DPH1: variants seen among roughly 807,000 people sequenced by gnomAD.
The protein encoded by DPH1 is 2-(3-amino-3-carboxypropyl)histidine synthase subunit 1.
DPH1 carries 59 observed loss-of-function variants against 55.3 expected under a neutral mutation model. The ratio of observed to expected loss-of-function variants is 1.07; its 90% CI spans 0.87 to 1.33. The LOEUF is 1.33. Ranked by LOEUF, DPH1 falls within the 40% of genes most tolerant of loss-of-function variation. DPH1 has a pLI of 0.00. For synonymous variants in DPH1, 238 were observed against 235.5 expected (o/e 1.01, Z -0.10); for missense variants, 628 against 584.8 (o/e 1.07, Z -0.76).
At position 2,042,061 on chromosome 17, in the gene DPH1, G is replaced by C. The variant is rs778062059; in HGVS notation, c.*18+186G>C. The C allele has an allele frequency of 2.6e-6, 4 of 1,540,242 alleles. No homozygotes were observed. In the East Asian group the frequency reaches 7.2e-5, roughly 28 times the overall value. On this transcript the variant is annotated intron_variant, in intron 12 of 12. Transcript: ENST00000263083. ...TTGCCGGGCATAATGGCCGCGCAGC[G>C]ACCCCTGCGGGTCCTGTGCCTGGCG...
chr17:2,041,540 T>C lies in DPH1; in HGVS notation c.1146T>C (p.Ala382=). The part of the protein sequence containing the change: ...WQQPYPMDFY[A]GSSLGPWTVN... ...AGCCCTACCCGATGGACTTCTACGC[T>C]GGCAGCTCCTTGGGGCCCTGGACGG... Residue 382 remains alanine (A), a synonymous_variant, in exon 11 of 13, where the codon GCT becomes GCC. Coordinates refer to ENST00000263083, the MANE Select transcript of DPH1 (RefSeq NM_001383.6). 1 of 1,612,942 alleles carries C rather than the reference T, an allele frequency of 6.2e-7. No individual in the cohort carries two copies. Among genetic ancestry groups the C allele is most frequent in the Non-Finnish European group, 8.5e-7 (1 of 1,179,762 alleles).
At position 2,036,375 on chromosome 17, in the gene DPH1, C is replaced by A; in HGVS notation, c.401-154C>A. 1 of 1,129,706 alleles carries A rather than the reference C, an allele frequency of 8.9e-7. No homozygotes were observed. Among genetic ancestry groups the A allele is most frequent in the Non-Finnish European group, 1.3e-6 (1 of 793,452 alleles). The allele number at this position is 1,129,706 out of a possible 1,614,324, so 70.0% of individuals were successfully genotyped here. The stretch of plus-strand genomic sequence containing the variant: ...ACAGAGAAGTCTGATTGAGAAGGAG[C>A]TTCTAGGGGATCTGTGACCCCCCTC... On this transcript the variant is annotated intron_variant, in intron 4 of 12. Coordinates refer to ENST00000263083, the MANE Select transcript of DPH1 (RefSeq NM_001383.6). This position sits in a 1 kb window ranked among gnomAD's most constrained non-coding sequence, Gnocchi z 4.8.
intron 12 of DPH1, chr17:2,042,188 G>C (rs754132173): frequency 9.1e-6 from 13 of 1,434,724 alleles, no homozygotes; most frequent in Non-Finnish European, 1.2e-5. Context: ...GCCCGCACCC[G>C]GTCCCCGACC....
chr17:2,040,874 G>A, intron 9 of DPH1: 1 of 632,026 alleles, frequency 1.6e-6, no homozygotes, highest in Non-Finnish European at 2.8e-6. Context: ...GTGGTTCTGG[G>A]GATACTATCA....
In DPH1 at chr17:2,041,614, G is replaced by A. The variant is rs760417466; in HGVS notation, c.1220G>A (p.Arg407Gln). 6.2e-6 allele frequency: 10 copies of A among 1,603,812 alleles called. No individual in the cohort carries two copies. In the Admixed American group the frequency reaches 1.4e-4, roughly 22 times the overall value. ...RRPHAPGRPA[R>Q]GKVQEGSARP... ...CCCCACGCCCCGGGCCGGCCCGCGC[G>A]GGGGAAGGTAGGCGGGGGCTTCCAG... The change falls in exon 11 of 13, where the codon CGG (arginine) becomes CAG (glutamine). Residue 407 changes from arginine to glutamine, a missense_variant. Physicochemically the swap from Arg to Gln is conservative, Grantham distance 43 (BLOSUM62 1). Coordinates refer to ENST00000263083, the MANE Select transcript of DPH1 (RefSeq NM_001383.6).
intron 12 of DPH1, 84 bp from the exon 13 acceptor site, chr17:2,042,521 C>T: frequency 6.9e-7 from 1 of 1,459,710 alleles, no homozygotes; most frequent in Non-Finnish European, 9.0e-7. Context: ...TCTGTCATCT[C>T]GAACCCTCCT....
intron 1 of DPH1, among the ~76,000 whole-genome samples, chr17:2,032,967 C>T (rs1421957913): frequency 1.3e-5 from 2 of 152,152 alleles, no homozygotes; most frequent in Admixed American, 6.5e-5. Flanking sequence ...CTCCTGATCT[C>T]GTGATCCGCC....
At chr17:2,039,855 T>A in intron 7 of DPH1, 32 bp downstream of exon 7, 2 of 1,613,670 alleles carry the variant, frequency 1.2e-6, no homozygotes, top group Non-Finnish European at 8.5e-7. Flanking sequence ...GCTGACCAGC[T>A]GGTGAGGGGT....
Position 2,041,160 on chromosome 17 carries a change from G to A in DPH1, c.1065G>A (p.Lys355=), listed in dbSNP as rs1006669505. 6 of 1,606,122 alleles carry A rather than the reference G, an allele frequency of 3.7e-6. No individual in the cohort carries two copies. In the African/African-American group the frequency reaches 8.0e-5, roughly 21 times the overall value. The part of the protein sequence containing the change: ...LSIDWGTAFP[K]PLLTPYEAAV... ...TTGACTGGGGCACAGCCTTCCCCAA[G>A]CCGCTGCTGACACCCTATGAGGTAA... Residue 355 remains lysine, a synonymous_variant, in exon 10 of 13, where the codon AAG becomes AAA. Transcript: ENST00000263083.
chr17:2,042,349 A>T (rs959153416), intron 12 of DPH1: 7 of 1,345,876 alleles, frequency 5.2e-6, no homozygotes, highest in Non-Finnish European at 6.7e-6. Context: ...CCCAGTCCAC[A>T]CCCTTCATTT....
Position 2,036,475 on chromosome 17 carries a change from G to A in DPH1, c.401-54G>A, listed in dbSNP as rs777334579. The A allele has an allele frequency of 3.7e-6, 6 of 1,601,358 alleles. No individual in the cohort carries two copies. The highest frequency in any genetic ancestry group is 2.2e-5 in the South Asian group (2 of 89,578). ...TGCTCAGAGACCTGAGCCTGGCCGGGCCCTCTGCTGCTCCTGCCTTCCCAA... is the reference window on the plus strand; with the variant it reads ...TGCTCAGAGACCTGAGCCTGGCCGGACCCTCTGCTGCTCCTGCCTTCCCAA... On this transcript the variant is annotated intron_variant, in intron 4 of 12. Coordinates refer to ENST00000263083, the MANE Select transcript of DPH1 (RefSeq NM_001383.6). The surrounding 1 kb of genome is among the most constrained non-coding windows in gnomAD (Gnocchi z 4.8).
At position 2,040,582 on chromosome 17, in the gene DPH1, T is replaced by A; in HGVS notation, c.984T>A (p.Leu328=). Residue 328 remains leucine, a synonymous_variant, in exon 9 of 13, where the codon CTT becomes CTA. Transcript: ENST00000263083. ...TCTCTGAGATCTTCCCCAGCAAGCTTAGCCTACTTCCTGAGGTGGATGTGT... is the reference window on the plus strand; with the variant it reads ...TCTCTGAGATCTTCCCCAGCAAGCTAAGCCTACTTCCTGAGGTGGATGTGT... The part of the protein sequence containing the change: ...LLLSEIFPSK[L]SLLPEVDVWV... 1.2e-6 allele frequency: 2 copies of A among 1,614,190 alleles called. No homozygotes were observed. The highest frequency in any genetic ancestry group is 1.7e-6 in the Non-Finnish European group (2 of 1,180,012).
At chr17:2,037,108 C>T in intron 6 of DPH1, 152 bp downstream of exon 6, 1 of 1,166,002 alleles carries the variant, frequency 8.6e-7, no homozygotes, top group Non-Finnish European at 1.2e-6. Flanking sequence ...AAACAGGGAG[C>T]AGACCTCAGG....
chr17:2,038,542 G>T (rs1388801793), intron 6 of DPH1, among the ~76,000 whole-genome samples: 1 of 152,156 alleles, frequency 6.6e-6, no homozygotes, highest in East Asian at 1.9e-4. Flanking sequence ...CCTCCTGTCA[G>T]ATCCGCCGCG....
Position 2,036,432 on chromosome 17 carries a change from G to T in DPH1, c.401-97G>T. 1 of 1,486,836 alleles carries T rather than the reference G, an allele frequency of 6.7e-7. No individual in the cohort carries two copies. 92.1% of individuals were successfully genotyped at this position (1,486,836 alleles called of 1,614,324 possible). A position where few individuals can be genotyped will look rare whatever the true frequency, so the allele number is the denominator to read the frequency against. The stretch of plus-strand genomic sequence containing the variant: ...TACCCTGTCCTTTTACCCCCAGGCT[G>T]AAGCCACTGCGCCTGGCTGCTCAGA... On this transcript the variant is annotated intron_variant, in intron 4 of 12. Transcript: ENST00000263083. This position sits in a 1 kb window ranked among gnomAD's most constrained non-coding sequence, Gnocchi z 4.8.
chr17:2,042,297 C>T (rs2067551924), intron 12 of DPH1: 1 of 1,395,742 alleles, frequency 7.2e-7, no homozygotes, highest in African/African-American at 1.5e-5. Flanking sequence ...CCCTCGACAC[C>T]CTTCAGCATC....
At chr17:2,032,836 C>T (rs1392547371) in intron 1 of DPH1, among the ~76,000 whole-genome samples, 7 of 152,214 alleles carry the variant, frequency 4.6e-5, no homozygotes, top group South Asian at 2.1e-4. Context: ...CTCCGCCTCC[C>T]GGGTTCACCC....
At chr17:2,037,632 G>A (rs866703875) in intron 6 of DPH1, among the ~76,000 whole-genome samples, 1 of 152,200 alleles carries the variant, frequency 6.6e-6, no homozygotes, top group Non-Finnish European at 1.5e-5. Flanking sequence ...TACCCTTGGG[G>A]TCTTCAAAGT....
rs187721672 is a variant in DPH1 at position 2,040,307 on chromosome 17, G to A, written c.839G>A (p.Arg280His). The A allele has an allele frequency of 2.1e-5, 34 of 1,614,034 alleles. No homozygotes were observed. The highest frequency in any genetic ancestry group is 1.6e-4 in the African/African-American group (12 of 75,050). ...AARQEAIATA[R>H]SAKSWGLILG... ...CGCCAAGAAGCCATAGCCACTGCCC[G>A]CTCAGCTAAGTCCTGGGGCCTTATT... The change falls in exon 8 of 13, where the codon CGC (arginine) becomes CAC (histidine). Residue 280 changes from arginine (R) to histidine (H), a missense_variant. Physicochemically the swap from Arg to His is conservative, Grantham distance 29. Transcript: ENST00000263083.
Sources: allele counts gnomAD v4.1 joint callset (sites outside exome capture counted in the v4.1 genomes callset), GRCh38; gene constraint gnomAD v4.1.1; non-coding constraint Gnocchi (gnomAD v3.1); transcripts MANE v1.5; gene names NCBI Gene and HGNC (gene_info 2026-07-23, HGNC 2026-07-21).